C11orf21: variants seen among roughly 807,000 people sequenced by gnomAD.
C11orf21 encodes the protein chromosome 11 open reading frame 21.
A neutral mutation model predicts 15.2 loss-of-function variants in C11orf21; 19 were observed. The ratio of observed to expected loss-of-function variants is 1.25; its 90% confidence interval spans 0.87 to 1.84. The LOEUF (loss-of-function observed/expected upper bound fraction) is 1.84. Ranked by LOEUF, C11orf21 falls within the 40% of genes most tolerant of loss-of-function variation. The probability of loss-of-function intolerance (pLI) is 0.00; values close to 1 mark genes in which losing one functional copy is unlikely to be tolerated. For missense variants in C11orf21, 171 were observed against 174.4 expected (o/e 0.98, Z 0.11); for synonymous variants, 62 against 66.8 (o/e 0.93, Z 0.35).
intron 3 of C11orf21, among the ~76,000 whole-genome samples, chr11:2,298,823 T>C (rs1185341664): frequency 6.6e-6 from 1 of 152,040 alleles, no homozygotes; most frequent in African/African-American, 2.4e-5. Context: ...GGGAGACAGC[T>C]GTGTCTATGA....
At chr11:2,298,283 A>G (rs1847576342) in intron 3 of C11orf21, among the ~76,000 whole-genome samples, 1 of 152,210 alleles carries the variant, frequency 6.6e-6, no homozygotes, top group Non-Finnish European at 1.5e-5. Flanking sequence ...ACGCTTGAGC[A>G]TCGGGGTCTG....
upstream of C11orf21, chr11:2,301,949 C>T: frequency 2.7e-6 from 4 of 1,504,602 alleles, no homozygotes; most frequent in Non-Finnish European, 3.6e-6. Context: ...GTGGGGGGAG[C>T]CAACCTCACT....
chr11:2,302,264 G>T (rs1200016480), upstream of C11orf21: 2 of 1,359,224 alleles, frequency 1.5e-6, no homozygotes, highest in Non-Finnish European at 9.5e-7. Context: ...GGTGAGCAGG[G>T]GTGAGGGGTG....
At chr11:2,301,487 C>G in intron 1 of C11orf21, 1 of 393,808 alleles carries the variant, frequency 2.5e-6, no homozygotes, top group Non-Finnish European at 4.6e-6. Flanking sequence ...AAGCCTCCCC[C>G]TGGAGGCCCC....
In C11orf21 at chr11:2,299,314, C is replaced by T. The variant is rs534459344; in HGVS notation, c.*28+114G>A. 21 of 1,164,628 alleles carry T rather than the reference C, an allele frequency of 1.8e-5. No individual in the cohort carries two copies. In the African/African-American group the frequency reaches 1.9e-4, roughly 10 times the overall value. 72.1% of individuals were successfully genotyped at this position (1,164,628 alleles called of 1,614,324 possible). Reference sequence around the variant, plus strand: ...CCACAGGTCTCTTCAAGCTCCAGGCCCCACTCGCTGTGACGCAGGTGGGAA... The same window carrying T: ...CCACAGGTCTCTTCAAGCTCCAGGCTCCACTCGCTGTGACGCAGGTGGGAA... On this transcript the variant is annotated intron_variant, in intron 3 of 3. Coordinates refer to ENST00000381153, the MANE Select transcript of C11orf21 (RefSeq NM_001329958.2).
chr11:2,298,751 C>G (rs555790979), intron 3 of C11orf21, among the ~76,000 whole-genome samples: 15 of 152,158 alleles, frequency 9.9e-5, no homozygotes, highest in Non-Finnish European at 8.8e-5. Context: ...GATAGAGACG[C>G]CTCCCCTACA....
At chr11:2,298,648 C>T (rs1424981566) in intron 3 of C11orf21, among the ~76,000 whole-genome samples, 1 of 152,192 alleles carries the variant, frequency 6.6e-6, no homozygotes, top group Non-Finnish European at 1.5e-5. Context: ...CACGGGGTGC[C>T]GAGTCTCAGC....
chr11:2,301,130 T>G, intron 1 of C11orf21: 3 of 304,392 alleles, frequency 9.9e-6, no homozygotes, highest in Non-Finnish European at 1.9e-5. Context: ...GCCTCAGCAG[T>G]TCCTCCAGCA....
intron 2 of C11orf21, 69 bp from the exon 3 acceptor site, chr11:2,299,776 G>A: frequency 1.3e-6 from 2 of 1,531,792 alleles, no homozygotes; most frequent in Admixed American, 2.0e-5. Flanking sequence ...GAAGGAGAGA[G>A]GAAAAAGGAA....
upstream of C11orf21, chr11:2,302,138 A>T: frequency 6.8e-7 from 1 of 1,470,948 alleles, no homozygotes; most frequent in Non-Finnish European, 9.0e-7. Flanking sequence ...AGAGGAGAGG[A>T]GAGGAACCGT....
At chr11:2,299,820 ACATCCACGTCTGCACACG>A (rs1277907787) in intron 2 of C11orf21, 113 bp from the exon 3 acceptor site, 5 of 615,744 alleles carry the variant, frequency 8.1e-6, no homozygotes, top group Non-Finnish European at 1.3e-5. Flanking sequence ...GCATGCACAC[ACATCCACGTCTGCACACG>A]CATCCACGCC....
At chr11:2,302,665 G>GA (rs1306825086), upstream of C11orf21, 1 of 608,088 alleles carries the variant, frequency 1.6e-6, no homozygotes, top group Non-Finnish European at 2.9e-6. Flanking sequence ...GTGTGCTGGG[G>GA]CGTCTGCAGT....
intron 2 of C11orf21, 32 bp from the exon 3 acceptor site, chr11:2,299,739 G>C (rs1211481598): frequency 6.5e-7 from 1 of 1,547,798 alleles, no homozygotes; most frequent in Non-Finnish European, 8.7e-7. Flanking sequence ...GAGTGAGCGG[G>C]CGCACCTGGG....
At chr11:2,299,806 ATATGCATGCACACACATCCACG>A in intron 2 of C11orf21, 99 bp from the exon 3 acceptor site, 1 of 1,410,268 alleles carries the variant, frequency 7.1e-7, no homozygotes, top group Non-Finnish European at 9.7e-7. Context: ...GGGTAAACAC[ATATGCATGCACACACATCCACG>A]TCTGCACACG....
chr11:2,302,821 C>T, upstream of C11orf21: 1 of 1,603,726 alleles, frequency 6.2e-7, no homozygotes, highest in East Asian at 2.2e-5. Context: ...ATGCCCCACA[C>T]TCTGAGTCTG....
chr11:2,302,813 G>A, upstream of C11orf21: 2 of 1,591,394 alleles, frequency 1.3e-6, no homozygotes, highest in Non-Finnish European at 1.7e-6. Context: ...GCAGTCCCAT[G>A]CCCCACACTC....
At chr11:2,302,042 C>T (rs748595793), upstream of C11orf21, 22 of 1,493,770 alleles carry the variant, frequency 1.5e-5, no homozygotes, top group Middle Eastern at 1.9e-4. Context: ...GACAGAGGGG[C>T]GGATGCAGCC....
At chr11:2,299,902 A>G (rs1166962838) in intron 2 of C11orf21, among the ~76,000 whole-genome samples, 195 bp from the exon 3 acceptor site, 2 of 151,396 alleles carry the variant, frequency 1.3e-5, no homozygotes, top group Admixed American at 1.3e-4. Context: ...TTCCCTGGAA[A>G]TAAAGCCAGG....
At chr11:2,301,283 G>C in intron 1 of C11orf21, 1 of 197,994 alleles carries the variant, frequency 5.1e-6, no homozygotes, top group South Asian at 8.4e-5. Flanking sequence ...GGGGCGAGCA[G>C]AGCCGCCTGT....
Sources: allele counts gnomAD v4.1 joint callset (sites outside exome capture counted in the v4.1 genomes callset), GRCh38; gene constraint gnomAD v4.1.1; transcripts MANE v1.5; gene names NCBI Gene and HGNC (gene_info 2026-07-23, HGNC 2026-07-21).